AGAP1: variants seen among roughly 807,000 people sequenced by gnomAD.
AGAP1 encodes arf-GAP with GTPase, ANK repeat and PH domain-containing protein 1.
A neutral mutation model predicts 105.3 loss-of-function variants in AGAP1; 29 were observed. The ratio of observed to expected loss-of-function variants is 0.28; its 90% CI spans 0.21 to 0.38. The LOEUF is 0.38. Ranked by LOEUF, AGAP1 falls within the 10% of genes least tolerant of loss-of-function variation. AGAP1 has a pLI of 1.00. For synonymous variants in AGAP1, 509 were observed against 485.9 expected (o/e 1.05, Z -0.63); for missense variants, 998 against 1,165.1 (o/e 0.86, Z 2.09).
At position 235,721,152 on chromosome 2, in the gene AGAP1, CA is replaced by C. The variant is rs1951361465; in HGVS notation, c.310+3509del. 6.6e-6 allele frequency among the ~76,000 whole-genome samples: 1 copy of C among 152,034 alleles called. No homozygotes were observed. Among genetic ancestry groups the C allele is most frequent in the Non-Finnish European group, 1.5e-5 (1 of 68,024 alleles). On this transcript the variant is annotated intron_variant, in intron 3 of 17. Coordinates refer to ENST00000304032, the MANE Select transcript of AGAP1 (RefSeq NM_001037131.3). This position sits in a 1 kb window ranked among gnomAD's most constrained non-coding sequence, Gnocchi z 4.5. ...CCTCCTGAGTAGCTGGGATTACAGG[CA>C]CCCCCCACCGCGCCCGGATAATTTT...
At chr2:235,773,412 A>T (rs1275998899) in intron 6 of AGAP1, among the ~76,000 whole-genome samples, 1 of 152,170 alleles carries the variant, frequency 6.6e-6, no homozygotes, top group Admixed American at 6.5e-5. Flanking sequence ...ACAAAGTTAC[A>T]CTCCTATGCA....
intron 1 of AGAP1, among the ~76,000 whole-genome samples, chr2:235,704,834 G>A (rs10173638): frequency 0.17 from 25,783 of 152,124 alleles, 2,539 homozygotes; most frequent in East Asian, 0.41. Context: ...CAAGTGTCCC[G>A]CTGTGTCCAG....
intron 13 of AGAP1, among the ~76,000 whole-genome samples, chr2:235,995,566 T>C (rs1210059463): frequency 3.9e-5 from 6 of 152,166 alleles, no homozygotes; most frequent in African/African-American, 1.2e-4. Flanking sequence ...AAAGACCCTC[T>C]GTGCATCATA....
chr2:235,762,437 T>A (rs1234865455), intron 6 of AGAP1, among the ~76,000 whole-genome samples: 1 of 138,308 alleles, frequency 7.2e-6, no homozygotes, highest in Non-Finnish European at 1.6e-5. Context: ...GGTTCTGGAA[T>A]CGGGTGAGTT....
At chr2:235,709,656 A>G (rs764932311) in intron 2 of AGAP1, among the ~76,000 whole-genome samples, 7 of 152,094 alleles carry the variant, frequency 4.6e-5, no homozygotes, top group Non-Finnish European at 8.8e-5. Flanking sequence ...TTCTGTCATG[A>G]GTCACCAAGC....
rs148476060 is a variant in AGAP1, at chr2:235,811,573, G to C, written c.1050+4242G>C. On this transcript the variant is annotated intron_variant, in intron 9 of 17. Transcript: ENST00000304032. ...TTCAGACAGGCCAACTGTATTTACTGATTATTCCCCGTCCCTGGTTCGTGG... is the reference window on the plus strand; with the variant it reads ...TTCAGACAGGCCAACTGTATTTACTCATTATTCCCCGTCCCTGGTTCGTGG... Among the ~76,000 whole-genome samples, 433 of 152,298 alleles carry C rather than the reference G, an allele frequency of 2.8e-3. 2 individuals carry two copies. Among genetic ancestry groups the C allele is most frequent in the East Asian group, 0.02 (103 of 5,178 alleles).
Position 236,124,003 on chromosome 2 carries a change from G to A in AGAP1, c.2455G>A (p.Asp819Asn), listed in dbSNP as rs188041549. ...GCAGGCCTCCAGCCAGGAGTGCATC[G>A]ACGTGCTGCTGCAGTACGGCTGCCC... Reference protein sequence around the residue: ...ARQASSQECIDVLLQYGCPDE... With the variant: ...ARQASSQECINVLLQYGCPDE... Residue 819 changes from aspartate to asparagine, a missense_variant, in exon 18 of 18, where the codon GAC (aspartate) becomes AAC (asparagine). Physicochemically the swap from Asp to Asn is conservative, Grantham distance 23 (BLOSUM62 1). This residue lies in a region of AGAP1 where 235 missense variants were observed against 270.7 expected (regional missense o/e 0.87). Transcript: ENST00000304032. The surrounding 1 kb of genome is among the most constrained non-coding windows in gnomAD (Gnocchi z 5.1). 34 of 1,613,990 alleles carry A rather than the reference G, an allele frequency of 2.1e-5. No homozygotes were observed. The highest frequency in any genetic ancestry group is 6.7e-5 in the Admixed American group (4 of 60,000).
rs1387756349 is a variant in AGAP1 at position 236,046,023 on chromosome 2, T to TG, written c.1892-3030dup. The TG allele has an allele frequency of 1.1e-5, 5 of 471,238 alleles. No individual in the cohort carries two copies. Among genetic ancestry groups the TG allele is most frequent in the East Asian group, 1.4e-4 (2 of 14,380 alleles). The allele number at this position is 471,238 out of a possible 1,614,324, so 29.2% of individuals were successfully genotyped here. ...CTGGACCTGACAGCCTGGGAGCTGC[T>TG]GGGGGGAGGTAGGAGGGGGTGCACC... On this transcript the variant is annotated intron_variant, in intron 15 of 17. Coordinates refer to ENST00000304032, the MANE Select transcript of AGAP1 (RefSeq NM_001037131.3). This position sits in a 1 kb window ranked among gnomAD's most constrained non-coding sequence, Gnocchi z 5.2.
intron 9 of AGAP1, among the ~76,000 whole-genome samples, chr2:235,819,624 T>G (rs113377371): frequency 5.8e-4 from 89 of 152,306 alleles, no homozygotes; most frequent in African/African-American, 1.6e-3. Context: ...ATGCCTTCTG[T>G]TCCAGGTAAA....
chr2:236,108,204 C>T (rs576293367), intron 16 of AGAP1, among the ~76,000 whole-genome samples: 1 of 152,236 alleles, frequency 6.6e-6, no homozygotes, highest in Admixed American at 6.5e-5. Context: ...TGTCAGCGCC[C>T]GCTCGCAGTG....
chr2:236,103,440 C>G (rs1327998600), intron 16 of AGAP1, among the ~76,000 whole-genome samples: 1 of 152,218 alleles, frequency 6.6e-6, no homozygotes, highest in Non-Finnish European at 1.5e-5. Context: ...CCCCGCCCCC[C>G]ACCTCAGCAC....
At chr2:235,629,149 G>A (rs962385196) in intron 1 of AGAP1, among the ~76,000 whole-genome samples, 9 of 152,028 alleles carry the variant, frequency 5.9e-5, no homozygotes, top group Non-Finnish European at 1.0e-4. Flanking sequence ...CCACCTATCC[G>A]TGAGAACAAC....
chr2:235,857,269 C>T (rs191383427), intron 9 of AGAP1, among the ~76,000 whole-genome samples: 12 of 152,242 alleles, frequency 7.9e-5, no homozygotes, highest in African/African-American at 2.4e-5. Flanking sequence ...GGATCTAGGA[C>T]GCACACTCCT....
At chr2:235,543,104 C>G (rs1404808674) in intron 1 of AGAP1, among the ~76,000 whole-genome samples, 1 of 137,384 alleles carries the variant, frequency 7.3e-6, no homozygotes, top group Admixed American at 7.3e-5. Flanking sequence ...CCCTCCCCCC[C>G]CCCCGCCCCC....
rs1575273955 is a variant in AGAP1, at chr2:235,736,658, C to A, written c.311-4305C>A. Reference sequence around the variant, plus strand: ...CCGCTTGAGCCCAGGAGTTCGAGACCAGCCTGGGCAACACAATGAGGCCCC... The same window carrying A: ...CCGCTTGAGCCCAGGAGTTCGAGACAAGCCTGGGCAACACAATGAGGCCCC... On this transcript the variant is annotated intron_variant, in intron 3 of 17. Transcript: ENST00000304032. This position sits in a 1 kb window ranked among gnomAD's most constrained non-coding sequence, Gnocchi z 5.5. 6.6e-6 allele frequency among the ~76,000 whole-genome samples: 1 copy of A among 152,190 alleles called. No homozygotes were observed. The highest frequency in any genetic ancestry group is 2.4e-5 in the African/African-American group (1 of 41,546).
chr2:235,511,756 A>C (rs956269545), intron 1 of AGAP1, among the ~76,000 whole-genome samples: 2 of 152,142 alleles, frequency 1.3e-5, no homozygotes, highest in Non-Finnish European at 2.9e-5. Flanking sequence ...AATTTCCCCA[A>C]ACTGTGGATT....
chr2:235,807,467 C>G, intron 9 of AGAP1, 136 bp downstream of exon 9: 5 of 677,000 alleles, frequency 7.4e-6, no homozygotes, highest in African/African-American at 1.9e-5. Context: ...CACTTGACAT[C>G]AATTAGCAGA....
At position 236,128,829 on chromosome 2, in the gene AGAP1, G is replaced by A. The variant is rs1349381006; in HGVS notation, c.*4707G>A. ...TTGGAAAGCAAACCCCAAACCTCCC[G>A]GCACGGCATGTGCTCTGCTTCCGTC... On this transcript the variant is annotated 3_prime_UTR_variant, in exon 18 of 18. Coordinates refer to ENST00000304032, the MANE Select transcript of AGAP1 (RefSeq NM_001037131.3). The surrounding 1 kb of genome is among the most constrained non-coding windows in gnomAD (Gnocchi z 5.9). 3.3e-5 allele frequency: 5 copies of A among 152,116 alleles called. No homozygotes were observed. The highest frequency in any genetic ancestry group is 2.1e-4 in the South Asian group (1 of 4,816). 9.4% of individuals were successfully genotyped at this position (152,116 alleles called of 1,614,324 possible).
intron 6 of AGAP1, among the ~76,000 whole-genome samples, chr2:235,784,965 TCCTTCTTCC>T (rs1220479408): frequency 6.6e-6 from 1 of 152,186 alleles, no homozygotes; most frequent in African/African-American, 2.4e-5. Context: ...TGTCATCTCA[TCCTTCTTCC>T]TAATTGCATC....
Sources: allele counts gnomAD v4.1 joint callset (sites outside exome capture counted in the v4.1 genomes callset), GRCh38; gene constraint gnomAD v4.1.1; regional missense constraint gnomAD v4.1.1; non-coding constraint Gnocchi (gnomAD v3.1); transcripts MANE v1.5; gene names NCBI Gene and HGNC (gene_info 2026-07-23, HGNC 2026-07-21).